The following TAFA1 variants were observed in gnomAD, a reference collection of about 807,000 sequenced individuals.
TAFA1 encodes the protein TAFA chemokine like family member 1.
TAFA1 carries 4 observed loss-of-function variants against 18.5 expected under a neutral mutation model. That is an observed-to-expected ratio of 0.22 (90% CI 0.11 to 0.49). The LOEUF (loss-of-function observed/expected upper bound fraction) is 0.49, where lower values mean the gene tolerates loss of function less well. TAFA1 is among the 20% of genes least tolerant of loss of function. The pLI, the probability that TAFA1 is intolerant of heterozygous loss-of-function variation, is 0.98. For missense variants in TAFA1, 147 were observed against 169.0 expected (o/e 0.87, Z 0.72); for synonymous variants, 56 against 55.2 (o/e 1.01, Z -0.06).
At chr3:68,062,580 G>A (rs2064618035) in intron 2 of TAFA1, among the ~76,000 whole-genome samples, 2 of 152,176 alleles carry the variant, frequency 1.3e-5, no homozygotes, top group Admixed American at 6.5e-5. Flanking sequence ...ACAAGGAATT[G>A]TGACTTCCTA....
chr3:68,356,663 T>C (rs1207153178), intron 2 of TAFA1, among the ~76,000 whole-genome samples: 1 of 151,876 alleles, frequency 6.6e-6, no homozygotes, highest in Non-Finnish European at 1.5e-5. Flanking sequence ...AGAGAGATTA[T>C]ATGATTTCCC....
chr3:68,080,830 T>C (rs1025895108), intron 2 of TAFA1, among the ~76,000 whole-genome samples: 1 of 152,218 alleles, frequency 6.6e-6, no homozygotes, highest in Non-Finnish European at 1.5e-5. Context: ...TGTGGTGTTC[T>C]CTATATTTCC....
chr3:68,370,780 G>GTTTT (rs34524243), intron 2 of TAFA1, among the ~76,000 whole-genome samples: 1 of 122,136 alleles, frequency 8.2e-6, no homozygotes, highest in Admixed American at 8.8e-5. Flanking sequence ...TGTTTTCGTT[G>GTTTT]TTTTTTTTTT....
chr3:68,370,988 T>C (rs2069695747), intron 2 of TAFA1, among the ~76,000 whole-genome samples: 1 of 152,100 alleles, frequency 6.6e-6, no homozygotes, highest in Non-Finnish European at 1.5e-5. Flanking sequence ...AAAATTGAAC[T>C]ACCGTAATAA....
rs148101146 is a variant in TAFA1, at chr3:68,306,504, TTGTG to T, written c.119-110764_119-110761del. 4.0e-5 allele frequency among the ~76,000 whole-genome samples: 6 copies of T among 151,678 alleles called. No homozygotes were observed. In the East Asian group the frequency reaches 9.7e-4, roughly 25 times the overall value. On this transcript the variant is annotated intron_variant, in intron 2 of 4. Coordinates refer to ENST00000478136, the MANE Select transcript of TAFA1 (RefSeq NM_213609.4). ...TTTAAACTCACATATACAGTTGTGCTTGTGTGTGTGTGTGTATGTTTAAATTTAC... is the reference window on the plus strand; with the variant it reads ...TTTAAACTCACATATACAGTTGTGCTTGTGTGTGTGTATGTTTAAATTTAC...
At chr3:68,307,771 G>A (rs1227180726) in intron 2 of TAFA1, among the ~76,000 whole-genome samples, 2 of 152,078 alleles carry the variant, frequency 1.3e-5, no homozygotes, top group Non-Finnish European at 2.9e-5. Context: ...TCATGAGAAG[G>A]TGGGTTCCAA....
At chr3:68,236,157 G>T (rs2066924901) in intron 2 of TAFA1, among the ~76,000 whole-genome samples, 1 of 152,074 alleles carries the variant, frequency 6.6e-6, no homozygotes, top group Admixed American at 6.6e-5. Flanking sequence ...AACACCAAAA[G>T]CCTCATATTC....
intron 2 of TAFA1, among the ~76,000 whole-genome samples, chr3:68,169,222 T>TC (rs1419314376): frequency 6.6e-6 from 1 of 151,992 alleles, no homozygotes; most frequent in African/African-American, 2.4e-5. Context: ...TGGAGCCTCT[T>TC]CCTTACTCTC....
intron 2 of TAFA1, among the ~76,000 whole-genome samples, chr3:68,109,513 T>TA (rs1295661414): frequency 1.3e-5 from 2 of 152,154 alleles, no homozygotes; most frequent in Non-Finnish European, 2.9e-5. Flanking sequence ...AAATGCTATG[T>TA]AAAAAATTAA....
intron 2 of TAFA1, among the ~76,000 whole-genome samples, chr3:68,220,749 C>T (rs1457623073): frequency 4.6e-5 from 7 of 152,124 alleles, no homozygotes; most frequent in Admixed American, 3.9e-4. Flanking sequence ...TCACAGTGTT[C>T]TTTGGCTCAT....
At chr3:68,292,840 G>A (rs1174650027) in intron 2 of TAFA1, among the ~76,000 whole-genome samples, 1 of 152,042 alleles carries the variant, frequency 6.6e-6, no homozygotes, top group African/African-American at 2.4e-5. Flanking sequence ...ACTGTATCTG[G>A]CCTCTTTTCA....
At chr3:67,999,737 C>T (rs1238894201), upstream of TAFA1, among the ~76,000 whole-genome samples, 2 of 151,584 alleles carry the variant, frequency 1.3e-5, no homozygotes, top group Non-Finnish European at 2.9e-5. Flanking sequence ...GTTTCCTTTA[C>T]TTAGTGTCAT....
chr3:68,013,469 C>A (rs577161417), intron 2 of TAFA1, among the ~76,000 whole-genome samples: 206 of 152,126 alleles, frequency 1.4e-3, no homozygotes, highest in African/African-American at 4.5e-3. Context: ...AATTAAATCC[C>A]TAAGGTTTTC....
At chr3:68,093,127 A>G (rs2065047238) in intron 2 of TAFA1, among the ~76,000 whole-genome samples, 1 of 152,050 alleles carries the variant, frequency 6.6e-6, no homozygotes, top group East Asian at 1.9e-4. Flanking sequence ...GCTTTCGTGT[A>G]CTCTCAGTGT....
chr3:68,052,021 T>A (rs1251068826), intron 2 of TAFA1, among the ~76,000 whole-genome samples: 1 of 152,142 alleles, frequency 6.6e-6, no homozygotes, highest in Non-Finnish European at 1.5e-5. Flanking sequence ...AGTCTTTTTT[T>A]CCATAAATTA....
At chr3:68,183,069 G>A (rs1474618838) in intron 2 of TAFA1, among the ~76,000 whole-genome samples, 6 of 152,116 alleles carry the variant, frequency 3.9e-5, no homozygotes, top group Admixed American at 3.9e-4. Context: ...CATTTGACCT[G>A]AGCAGTATGT....
intron 3 of TAFA1, among the ~76,000 whole-genome samples, chr3:68,441,027 GTGT>G (rs2071368005): frequency 6.6e-6 from 1 of 152,144 alleles, no homozygotes; most frequent in Non-Finnish European, 1.5e-5. Flanking sequence ...GGGTCCAGTG[GTGT>G]TGGGTCTGTC....
intron 2 of TAFA1, among the ~76,000 whole-genome samples, chr3:68,039,213 T>C (rs1705114102): frequency 6.6e-6 from 1 of 152,214 alleles, no homozygotes; most frequent in Non-Finnish European, 1.5e-5. Flanking sequence ...ATTGTTGAAA[T>C]CTTAGATTTT....
chr3:68,087,621 C>T (rs1228444474), intron 2 of TAFA1, among the ~76,000 whole-genome samples: 1 of 147,282 alleles, frequency 6.8e-6, no homozygotes, highest in East Asian at 2.1e-4. Flanking sequence ...TTCCCTCTCT[C>T]CCTCCCACCC....
Sources: gnomAD v4.1 joint callset for allele counts (sites outside exome capture counted in the v4.1 genomes callset) on GRCh38, gnomAD v4.1.1 for gene constraint, MANE v1.5 for transcripts, NCBI Gene and HGNC (gene_info 2026-07-23, HGNC 2026-07-21) for gene names.